Variants in PAXIP1 observed in about 807,000 individuals in gnomAD.
The protein encoded by PAXIP1 is PAX interacting protein 1, also known as PAX-interacting protein 1.
PAXIP1 carries 19 observed loss-of-function variants against 140.6 expected under a neutral mutation model. That is an observed-to-expected ratio of 0.14 (90% CI 0.09 to 0.20). The LOEUF is 0.20. PAXIP1 is among the 10% of genes least tolerant of loss of function. The pLI is 1.00. For synonymous variants in PAXIP1, 442 were observed against 444.6 expected (o/e 0.99, Z 0.07); for missense variants, 920 against 1,208.6 (o/e 0.76, Z 3.54).
At chr7:154,951,852 C>T (rs945536233) in intron 16 of PAXIP1, 1 of 152,120 alleles carries the variant, frequency 6.6e-6, no homozygotes, top group Admixed American at 6.6e-5. Context: ...CAGAAAGTAA[C>T]AAAAAAGATC....
intron 2 of PAXIP1, 87 bp from the exon 3 acceptor site, chr7:154,993,856 T>C: frequency 2.1e-6 from 2 of 957,696 alleles, no homozygotes; most frequent in Non-Finnish European, 3.2e-6. Flanking sequence ...AAATTAAAAG[T>C]CTCTGTTACA....
At chr7:154,958,508 TCATA>T (rs1808626522) in intron 13 of PAXIP1, among the ~76,000 whole-genome samples, 1 of 152,256 alleles carries the variant, frequency 6.6e-6, no homozygotes, top group Admixed American at 6.5e-5. Context: ...ATTAGCCCTG[TCATA>T]CATAGAGAAT....
At position 154,946,332 on chromosome 7, in the gene PAXIP1, G is replaced by C; in HGVS notation, c.3194+33C>G. On this transcript the variant is annotated intron_variant, in intron 20 of 20. Transcript: ENST00000404141. The surrounding 1 kb of genome is among the most constrained non-coding windows in gnomAD (Gnocchi z 4.9). ...GGGAAATCCATTTCATATCTAACCC[G>C]TCTACTTTTTAATTCTCTTTTGGAA... is the stretch of plus-strand genomic sequence containing the variant. The C allele has an allele frequency of 6.2e-7, 1 of 1,613,352 alleles. No individual in the cohort carries two copies. Among genetic ancestry groups the C allele is most frequent in the Non-Finnish European group, 8.5e-7 (1 of 1,179,434 alleles).
rs1808865584 is a variant in PAXIP1, at chr7:154,963,569, A to G, written c.1989+102T>C. 2.7e-6 allele frequency: 2 copies of G among 742,946 alleles called. No individual in the cohort carries two copies. The highest frequency in any genetic ancestry group is 5.4e-5 in the East Asian group (2 of 36,728). 46.0% of individuals were successfully genotyped at this position (742,946 alleles called of 1,614,324 possible). ...AAGGAATTTTCCTATCTTTAGAGGT[A>G]GAAAAAAGTTCTTTCCAAAAATAAT... On this transcript the variant is annotated intron_variant, in intron 9 of 20. Transcript: ENST00000404141. The surrounding 1 kb of genome is among the most constrained non-coding windows in gnomAD (Gnocchi z 4.1).
chr7:154,961,094 G>A lies in PAXIP1; in HGVS notation c.2250-17C>T, dbSNP rs768987610. The A allele has an allele frequency of 4.7e-6, 7 of 1,495,510 alleles. No homozygotes were observed. Among genetic ancestry groups the A allele is most frequent in the Non-Finnish European group, 5.4e-6 (6 of 1,111,476 alleles). The allele number at this position is 1,495,510 out of a possible 1,614,324, so 92.6% of individuals were successfully genotyped here. A position where few individuals can be genotyped will look rare whatever the true frequency, so the allele number is the denominator to read the frequency against. ...CCAGTTGGTCTTTTTATTTTTTGAG[G>A]AGAAAACATATTTATTAAATGTTAG... On this transcript the variant is annotated splice_polypyrimidine_tract_variant and intron_variant, in intron 11 of 20. Coordinates refer to ENST00000404141, the MANE Select transcript of PAXIP1 (RefSeq NM_007349.4).
At chr7:154,983,770 A>T (rs1182792113) in intron 4 of PAXIP1, 1 of 153,692 alleles carries the variant, frequency 6.5e-6, no homozygotes, top group East Asian at 1.9e-4. Context: ...ATGGATAACA[A>T]ATACTAATTA....
intron 6 of PAXIP1, among the ~76,000 whole-genome samples, chr7:154,971,629 C>CTAT (rs1337898380): frequency 6.6e-6 from 1 of 152,224 alleles, no homozygotes; most frequent in African/African-American, 2.4e-5. Context: ...CGTAATTGTG[C>CTAT]TATACTACAA....
intron 3 of PAXIP1, among the ~76,000 whole-genome samples, chr7:154,992,400 A>G (rs1375888771): frequency 6.6e-6 from 1 of 152,166 alleles, no homozygotes; most frequent in African/African-American, 2.4e-5. Flanking sequence ...TACAAAAATT[A>G]GCTGGGCGTG....
chr7:154,952,672 G>C (rs537065076), intron 16 of PAXIP1, among the ~76,000 whole-genome samples: 6 of 152,234 alleles, frequency 3.9e-5, no homozygotes, highest in Non-Finnish European at 8.8e-5. Context: ...TATATGATTG[G>C]CTGATGAAAA....
At chr7:154,970,459 C>T (rs1809247329) in intron 6 of PAXIP1, among the ~76,000 whole-genome samples, 1 of 152,236 alleles carries the variant, frequency 6.6e-6, no homozygotes, top group South Asian at 2.1e-4. Flanking sequence ...TCTCTAAAAT[C>T]ACCTTATGTA....
chr7:155,000,415 T>C (rs1175103881), intron 1 of PAXIP1: 2 of 152,206 alleles, frequency 1.3e-5, no homozygotes, highest in East Asian at 3.9e-4. Flanking sequence ...TACTCCCTTC[T>C]TCATGAGTTT....
intron 20 of PAXIP1, chr7:154,945,930 T>C (rs779731743): frequency 5.6e-5 from 55 of 985,308 alleles, no homozygotes; most frequent in Non-Finnish European, 6.4e-5. Flanking sequence ...GTATTCATTC[T>C]GCCGCTTCCA....
At chr7:154,945,050 C>T (rs936956493) in intron 20 of PAXIP1, 13 of 148,666 alleles carry the variant, frequency 8.7e-5, no homozygotes, top group Admixed American at 5.4e-4. Flanking sequence ...TGCAATGGCG[C>T]GATATTGGCT....
At chr7:154,997,990 C>T (rs1346358934) in intron 2 of PAXIP1, among the ~76,000 whole-genome samples, 1 of 152,230 alleles carries the variant, frequency 6.6e-6, no homozygotes, top group African/African-American at 2.4e-5. Flanking sequence ...CCATCTGATT[C>T]AAGGCATCAG....
chr7:154,978,745 C>G (rs1449538850), intron 5 of PAXIP1, among the ~76,000 whole-genome samples: 2 of 152,052 alleles, frequency 1.3e-5, no homozygotes, highest in African/African-American at 4.8e-5. Flanking sequence ...AAAAAGATAT[C>G]TGTTGAAATA....
At chr7:154,966,571 CTT>C (rs1809032228) in intron 8 of PAXIP1, among the ~76,000 whole-genome samples, 1 of 152,202 alleles carries the variant, frequency 6.6e-6, no homozygotes, top group African/African-American at 2.4e-5. Flanking sequence ...ACTTTTGTAT[CTT>C]TGAGTTTTGT....
At chr7:154,964,597 T>A (rs1324610284) in intron 8 of PAXIP1, 1 of 152,232 alleles carries the variant, frequency 6.6e-6, no homozygotes, top group Non-Finnish European at 1.5e-5. Context: ...TTAAGCTGTT[T>A]CCACTGACAA....
chr7:154,987,899 C>G (rs138680894), intron 4 of PAXIP1, among the ~76,000 whole-genome samples: 1 of 152,328 alleles, frequency 6.6e-6, no homozygotes, highest in East Asian at 1.9e-4. Context: ...ACTCCAGCCT[C>G]TGTCCTGCCC....
intron 11 of PAXIP1, 64 bp from the exon 12 acceptor site, chr7:154,961,141 A>T (rs1466575416): frequency 5.6e-6 from 7 of 1,248,850 alleles, no homozygotes; most frequent in Non-Finnish European, 7.6e-6. Flanking sequence ...GTCCAAATGT[A>T]CATTTATTTC....
Sources: allele counts gnomAD v4.1 joint callset (sites outside exome capture counted in the v4.1 genomes callset), GRCh38; gene constraint gnomAD v4.1.1; non-coding constraint Gnocchi (gnomAD v3.1); transcripts MANE v1.5; gene names NCBI Gene and HGNC (gene_info 2026-07-23, HGNC 2026-07-21).